The following WNT3A variants were observed in gnomAD, a reference collection of about 807,000 sequenced individuals.
The protein encoded by WNT3A is Wnt family member 3A, also known as protein Wnt-3a.
In WNT3A, 17 loss-of-function variants were observed where a neutral mutation model predicts 37.0. The ratio of observed to expected loss-of-function variants is 0.46; its 90% CI spans 0.31 to 0.69. The LOEUF (loss-of-function observed/expected upper bound fraction) is 0.69, where lower values mean the gene tolerates loss of function less well. Ranked by LOEUF, WNT3A falls within the 30% of genes least tolerant of loss-of-function variation. The pLI, the probability that WNT3A is intolerant of heterozygous loss-of-function variation, is 0.05. For missense variants in WNT3A, 411 were observed against 510.2 expected, an observed-to-expected ratio of 0.81 and a Z score of 1.87; for synonymous variants, 187 against 211.0, an observed-to-expected ratio of 0.89 and a Z score of 0.99.
In WNT3A at chr1:228,037,083, C is replaced by G. The variant is rs1272130830; in HGVS notation, c.314-13573C>G. Among the ~76,000 whole-genome samples the G allele has an allele frequency of 1.3e-5, 2 of 152,084 alleles. No homozygotes were observed. The highest frequency in any genetic ancestry group is 2.4e-5 in the African/African-American group (1 of 41,408). On this transcript the variant is annotated intron_variant, in intron 2 of 3. Transcript: ENST00000284523. This position sits in a 1 kb window ranked among gnomAD's most constrained non-coding sequence, Gnocchi z 4.1. ...GGAGTGGCATGGGGAGGTATGCAAT[C>G]TCTTGTGCTTCCCAAGTAAGTGTGC...
rs549278555 is a variant in WNT3A, at chr1:228,054,718, G to GA, written c.579+3812dup. On this transcript the variant is annotated intron_variant, in intron 3 of 3. Coordinates refer to ENST00000284523, the MANE Select transcript of WNT3A (RefSeq NM_033131.4). ...TCTGATGACACAGTGAGTTAAACCA[G>GA]AAAAAAAAAAAAAAACACAAGTACA... is the stretch of plus-strand genomic sequence containing the variant. Among the ~76,000 whole-genome samples the GA allele has an allele frequency of 9.2e-3, 735 of 79,494 alleles. 7 individuals carry two copies. Among genetic ancestry groups the GA allele is most frequent in the East Asian group, 0.028 (80 of 2,840 alleles). 52.2% of individuals were successfully genotyped at this position (79,494 alleles called of 152,430 possible). A position where few individuals can be genotyped will look rare whatever the true frequency, so the allele number is the denominator to read the frequency against.
rs983387532 is a variant in WNT3A, at chr1:228,050,277, G to C, written c.314-379G>C. Among the ~76,000 whole-genome samples, 1 of 152,160 alleles carries C rather than the reference G, an allele frequency of 6.6e-6. No individual in the cohort carries two copies. Among genetic ancestry groups the C allele is most frequent in the Non-Finnish European group, 1.5e-5 (1 of 68,036 alleles). On this transcript the variant is annotated intron_variant, in intron 2 of 3. Transcript: ENST00000284523. This position sits in a 1 kb window ranked among gnomAD's most constrained non-coding sequence, Gnocchi z 5.0. ...CCTGGTCTCAAGCAGTCCTCCTACT[G>C]TGCCTCTCAAAGTGCTGGGATTACA...
intron 2 of WNT3A, among the ~76,000 whole-genome samples, chr1:228,027,586 T>C (rs1359474283): frequency 6.6e-6 from 1 of 152,218 alleles, no homozygotes; most frequent in African/African-American, 2.4e-5. Context: ...TTTGAGAATG[T>C]CCATTCATGT....
intron 2 of WNT3A, among the ~76,000 whole-genome samples, chr1:228,025,339 TTTTG>T (rs966148593): frequency 1.6e-4 from 24 of 152,148 alleles, no homozygotes; most frequent in Non-Finnish European, 2.8e-4. Context: ...TCTTCCTTAA[TTTTG>T]TTTGTTTGTT....
In WNT3A at chr1:228,037,164, C is replaced by T. The variant is rs1249507200; in HGVS notation, c.314-13492C>T. 6.6e-6 allele frequency among the ~76,000 whole-genome samples: 1 copy of T among 152,104 alleles called. No individual in the cohort carries two copies. Among genetic ancestry groups the T allele is most frequent in the Non-Finnish European group, 1.5e-5 (1 of 67,990 alleles). Reference sequence around the variant, plus strand: ...AGCCCTGGGGTTTGCTTCTTCGTACCCAGTGTGGGTGGGGCCTGCAGCAGT... The same window carrying T: ...AGCCCTGGGGTTTGCTTCTTCGTACTCAGTGTGGGTGGGGCCTGCAGCAGT... On this transcript the variant is annotated intron_variant, in intron 2 of 3. Coordinates refer to ENST00000284523, the MANE Select transcript of WNT3A (RefSeq NM_033131.4). This position sits in a 1 kb window ranked among gnomAD's most constrained non-coding sequence, Gnocchi z 4.1.
intron 3 of WNT3A, 115 bp from the exon 4 acceptor site, chr1:228,058,871 C>T (rs2031734992): frequency 1.8e-6 from 2 of 1,095,424 alleles, no homozygotes; most frequent in Non-Finnish European, 2.6e-6. Context: ...GAGTCTGCCC[C>T]CTCTGCCCGG....
intron 2 of WNT3A, among the ~76,000 whole-genome samples, chr1:228,026,075 A>AT (rs933240512): frequency 3.9e-4 from 59 of 151,370 alleles, no homozygotes; most frequent in African/African-American, 1.3e-3. Context: ...TGTTTTCTTA[A>AT]TTTTTTTTCA....
At position 228,039,470 on chromosome 1, in the gene WNT3A, C is replaced by T. The variant is rs1444061409; in HGVS notation, c.314-11186C>T. 6.6e-6 allele frequency among the ~76,000 whole-genome samples: 1 copy of T among 152,160 alleles called. No individual in the cohort carries two copies. The highest frequency in any genetic ancestry group is 1.5e-5 in the Non-Finnish European group (1 of 68,018). On this transcript the variant is annotated intron_variant, in intron 2 of 3. Coordinates refer to ENST00000284523, the MANE Select transcript of WNT3A (RefSeq NM_033131.4). The surrounding 1 kb of genome is among the most constrained non-coding windows in gnomAD (Gnocchi z 4.1). ...CCATCAGCATATCAGAGACACCCTC[C>T]CAACCCCCTTCTCCTGGCAGGCTCC... is the stretch of plus-strand genomic sequence containing the variant.
At chr1:228,027,962 A>G (rs2030893063) in intron 2 of WNT3A, among the ~76,000 whole-genome samples, 1 of 152,192 alleles carries the variant, frequency 6.6e-6, no homozygotes, top group Non-Finnish European at 1.5e-5. Flanking sequence ...AAGGTGAGAG[A>G]TGAGCATCCA....
At chr1:228,015,260 C>T (rs540137455) in intron 1 of WNT3A, among the ~76,000 whole-genome samples, 17 of 152,210 alleles carry the variant, frequency 1.1e-4, no homozygotes, top group Non-Finnish European at 2.2e-4. Context: ...GCCGTTCCCT[C>T]CAGAGCTGGG....
chr1:228,009,914 G>A lies in WNT3A; in HGVS notation c.71+2715G>A, dbSNP rs530125306. Among the ~76,000 whole-genome samples the A allele has an allele frequency of 7.9e-5, 12 of 152,288 alleles. No homozygotes were observed. The South Asian group carries it at 2.5e-3, about 32-fold the overall frequency. ...AGGCTGAGCGGGTCTGAAATGCAGA[G>A]AGACGGGCCTAGCCTAACACTGAAT... On this transcript the variant is annotated intron_variant, in intron 1 of 3. Transcript: ENST00000284523.
At chr1:228,054,332 AACAC>A (rs2031620640) in intron 3 of WNT3A, among the ~76,000 whole-genome samples, 1 of 152,200 alleles carries the variant, frequency 6.6e-6, no homozygotes, top group South Asian at 2.1e-4. Context: ...TTTTTTAGAA[AACAC>A]AATGTTGGCT....
rs2031296489 is a variant in WNT3A, at chr1:228,042,052, C to T, written c.314-8604C>T. On this transcript the variant is annotated intron_variant, in intron 2 of 3. Transcript: ENST00000284523. The surrounding 1 kb of genome is among the most constrained non-coding windows in gnomAD (Gnocchi z 5.2). ...GGAGTGCAGTGGTGTGACCTCGGCT[C>T]ACTGCAACCTCCGCCTCCCGGGTTC... Among the ~76,000 whole-genome samples the T allele has an allele frequency of 6.6e-6, 1 of 152,136 alleles. No individual in the cohort carries two copies. Among genetic ancestry groups the T allele is most frequent in the African/African-American group, 2.4e-5 (1 of 41,416 alleles).
chr1:228,055,179 A>AAATAT (rs2031655964), intron 3 of WNT3A, among the ~76,000 whole-genome samples: 2 of 19,290 alleles, frequency 1.0e-4, no homozygotes, highest in Admixed American at 9.7e-4. Flanking sequence ...AAAAAAAAAA[A>AAATAT]ATATATATAT....
At chr1:228,032,457 A>G (rs1053194500) in intron 2 of WNT3A, among the ~76,000 whole-genome samples, 1 of 152,224 alleles carries the variant, frequency 6.6e-6, no homozygotes, top group Non-Finnish European at 1.5e-5. Context: ...TGCTTCAAGG[A>G]AAGGCCTATG....
At position 228,027,681 on chromosome 1, in the gene WNT3A, T is replaced by G. The variant is rs1481140447; in HGVS notation, c.313+4773T>G. ...TGTCAATTCTGGATATTCGCCTTTG[T>G]CAAATGTATGCTTTGTGAATATTTT... On this transcript the variant is annotated intron_variant, in intron 2 of 3. Coordinates refer to ENST00000284523, the MANE Select transcript of WNT3A (RefSeq NM_033131.4). Among the ~76,000 whole-genome samples the G allele has an allele frequency of 2.0e-5, 3 of 152,270 alleles. No individual in the cohort carries two copies. The East Asian group carries it at 5.8e-4, about 29-fold the overall frequency.
At chr1:228,021,415 C>A (rs2030703703) in intron 1 of WNT3A, among the ~76,000 whole-genome samples, 1 of 152,204 alleles carries the variant, frequency 6.6e-6, no homozygotes, top group African/African-American at 2.4e-5. Flanking sequence ...ACCTCTCCCG[C>A]GGATGAGTGT....
At chr1:228,023,594 C>A (rs946031299) in intron 2 of WNT3A, among the ~76,000 whole-genome samples, 2 of 151,706 alleles carry the variant, frequency 1.3e-5, no homozygotes, top group African/African-American at 4.8e-5. Flanking sequence ...GAGAGAGAAA[C>A]TGAGAGACAG....
In WNT3A at chr1:228,037,282, A is replaced by C. The variant is rs570203332; in HGVS notation, c.314-13374A>C. Among the ~76,000 whole-genome samples the C allele has an allele frequency of 1.3e-5, 2 of 151,008 alleles. No individual in the cohort carries two copies. Among genetic ancestry groups the C allele is most frequent in the Non-Finnish European group, 3.0e-5 (2 of 67,738 alleles). On this transcript the variant is annotated intron_variant, in intron 2 of 3. Coordinates refer to ENST00000284523, the MANE Select transcript of WNT3A (RefSeq NM_033131.4). This position sits in a 1 kb window ranked among gnomAD's most constrained non-coding sequence, Gnocchi z 4.1. Reference sequence around the variant, plus strand: ...ATTCTGTGAACCCCAGGGTATCCCCACTCAAAGCACACGGCCAGATTCCTG... The same window carrying C: ...ATTCTGTGAACCCCAGGGTATCCCCCCTCAAAGCACACGGCCAGATTCCTG...
Sources: allele counts gnomAD v4.1 joint callset (sites outside exome capture counted in the v4.1 genomes callset), GRCh38; gene constraint gnomAD v4.1.1; non-coding constraint Gnocchi (gnomAD v3.1); transcripts MANE v1.5; gene names NCBI Gene and HGNC (gene_info 2026-07-23, HGNC 2026-07-21).